The following CDYL2 variants were observed in gnomAD, a reference collection of about 807,000 sequenced individuals.
The protein encoded by CDYL2 is chromodomain Y like 2.
In CDYL2, 23 loss-of-function variants were observed where a neutral mutation model predicts 49.4. The ratio of observed to expected loss-of-function variants is 0.47; its 90% confidence interval spans 0.34 to 0.66. The LOEUF (loss-of-function observed/expected upper bound fraction) is 0.66. Among genes scored for constraint, CDYL2 ranks in the 30% least tolerant of loss-of-function variants. The pLI, the probability that CDYL2 is intolerant of heterozygous loss-of-function variation, is 0.01. For synonymous variants in CDYL2, 360 were observed against 268.8 expected (o/e 1.34, Z -3.32); for missense variants, 678 against 656.4 (o/e 1.03, Z -0.36).
chr16:80,665,008 C>T (rs1191514601), intron 2 of CDYL2, among the ~76,000 whole-genome samples: 1 of 152,156 alleles, frequency 6.6e-6, no homozygotes. Context: ...TCTGTCTTGC[C>T]TTACTCATCA....
intron 1 of CDYL2, among the ~76,000 whole-genome samples, chr16:80,723,091 G>A (rs1398483154): frequency 6.6e-6 from 1 of 152,206 alleles, no homozygotes; most frequent in African/African-American, 2.4e-5. Context: ...TGTGGACTAT[G>A]TACCCACCAC....
At chr16:80,606,428 C>A (rs57943154) in intron 6 of CDYL2, among the ~76,000 whole-genome samples, 14,663 of 152,186 alleles carry the variant, frequency 0.096, 1,337 homozygotes, top group African/African-American at 0.21. Flanking sequence ...AACAGGCCAA[C>A]CCCCTCCATG....
chr16:80,691,696 A>T (rs1423398749), intron 1 of CDYL2, among the ~76,000 whole-genome samples: 1 of 152,250 alleles, frequency 6.6e-6, no homozygotes, highest in African/African-American at 2.4e-5. Flanking sequence ...ACACCAGTGA[A>T]GAGTACTACT....
chr16:80,639,378 T>C lies in CDYL2; in HGVS notation c.617-6142A>G, dbSNP rs749473981. Among the ~76,000 whole-genome samples the C allele has an allele frequency of 8.5e-5, 13 of 152,348 alleles. No individual in the cohort carries two copies. In the South Asian group the frequency reaches 1.0e-3, roughly 12 times the overall value. On this transcript the variant is annotated intron_variant, in intron 2 of 6. Coordinates refer to ENST00000570137, the MANE Select transcript of CDYL2 (RefSeq NM_152342.4). ...TTCACCATAATGATGTGAAATCTTA[T>C]AGTCACAAAACAAAACCAAAACACA... is the stretch of plus-strand genomic sequence containing the variant.
chr16:80,669,691 C>T (rs1909418541), intron 2 of CDYL2, among the ~76,000 whole-genome samples: 1 of 152,174 alleles, frequency 6.6e-6, no homozygotes, highest in Admixed American at 6.5e-5. Context: ...TTTGTGGCCT[C>T]AGGCAGGTGC....
intron 2 of CDYL2, among the ~76,000 whole-genome samples, chr16:80,647,214 C>A (rs966203519): frequency 1.3e-5 from 2 of 151,980 alleles, no homozygotes; most frequent in Non-Finnish European, 2.9e-5. Flanking sequence ...GAAGAGGATG[C>A]CAAAAACTGG....
intron 1 of CDYL2, among the ~76,000 whole-genome samples, chr16:80,730,078 A>G (rs954882441): frequency 2.6e-5 from 4 of 152,192 alleles, no homozygotes; most frequent in Admixed American, 1.3e-4. Flanking sequence ...AAAAGCTAGC[A>G]GAAGGCAAGA....
Position 80,719,201 on chromosome 16 carries a change from G to C in CDYL2, c.25-34072C>G, listed in dbSNP as rs1295184773. The stretch of plus-strand genomic sequence containing the variant: ...GTCACTGACCCCCGTGAATGCAAAG[G>C]CAATGTTTCTCAAACTGGAGTCTGA... On this transcript the variant is annotated intron_variant, in intron 1 of 6. Transcript: ENST00000570137. 2.6e-5 allele frequency among the ~76,000 whole-genome samples: 4 copies of C among 152,112 alleles called. No individual in the cohort carries two copies. In the East Asian group the frequency reaches 7.7e-4, roughly 29 times the overall value.
At chr16:80,666,226 T>A (rs1461748954) in intron 2 of CDYL2, among the ~76,000 whole-genome samples, 1 of 152,216 alleles carries the variant, frequency 6.6e-6, no homozygotes. Flanking sequence ...TCTACCTGCC[T>A]GCTCTTATCA....
At chr16:80,775,421 T>G (rs914533663) in intron 1 of CDYL2, among the ~76,000 whole-genome samples, 1 of 151,714 alleles carries the variant, frequency 6.6e-6, no homozygotes, top group African/African-American at 2.4e-5. Context: ...AGAGAAGAAA[T>G]AAAGTGTCTA....
intron 1 of CDYL2, among the ~76,000 whole-genome samples, chr16:80,709,293 A>C (rs1300063534): frequency 2.0e-5 from 3 of 151,982 alleles, no homozygotes; most frequent in African/African-American, 7.3e-5. Flanking sequence ...GAGGCAAGAG[A>C]ATCACTTGAA....
intron 3 of CDYL2, among the ~76,000 whole-genome samples, chr16:80,626,085 T>C (rs1381084038): frequency 2.7e-5 from 4 of 150,452 alleles, no homozygotes; most frequent in Middle Eastern, 3.4e-3. Context: ...AGCTCAGGAG[T>C]TCGAGGCCAG....
chr16:80,795,737 TGA>T (rs1907752134), intron 1 of CDYL2, among the ~76,000 whole-genome samples: 1 of 149,660 alleles, frequency 6.7e-6, no homozygotes. Flanking sequence ...CACTCCAGTG[TGA>T]CAGAACACCC....
At chr16:80,665,561 A>G (rs1909227931) in intron 2 of CDYL2, among the ~76,000 whole-genome samples, 1 of 151,816 alleles carries the variant, frequency 6.6e-6, no homozygotes, top group Non-Finnish European at 1.5e-5. Flanking sequence ...CACCAACCTA[A>G]TAATATGAGG....
In CDYL2 at chr16:80,659,521, G is replaced by C. The variant is rs555739704; in HGVS notation, c.616+25017C>G. On this transcript the variant is annotated intron_variant, in intron 2 of 6. Coordinates refer to ENST00000570137, the MANE Select transcript of CDYL2 (RefSeq NM_152342.4). ...ATAAAATATCCACACTAGATATTAAGGGGTAAGGAGGCATAATGTATAGTC... is the reference window on the plus strand; with the variant it reads ...ATAAAATATCCACACTAGATATTAACGGGTAAGGAGGCATAATGTATAGTC... Among the ~76,000 whole-genome samples, 17 of 151,998 alleles carry C rather than the reference G, an allele frequency of 1.1e-4. No homozygotes were observed. In the East Asian group the frequency reaches 1.3e-3, roughly 12 times the overall value.
chr16:80,722,022 C>G (rs1440113812), intron 1 of CDYL2, among the ~76,000 whole-genome samples: 1 of 152,070 alleles, frequency 6.6e-6, no homozygotes, highest in Non-Finnish European at 1.5e-5. Flanking sequence ...GGTTATGGAC[C>G]CCTCAGGAGC....
At chr16:80,619,415 G>T (rs1307491409) in intron 4 of CDYL2, among the ~76,000 whole-genome samples, 1 of 152,200 alleles carries the variant, frequency 6.6e-6, no homozygotes, top group African/African-American at 2.4e-5. Flanking sequence ...TGTCAGCCAG[G>T]TTTCCCTGGA....
intron 2 of CDYL2, among the ~76,000 whole-genome samples, chr16:80,642,671 A>G (rs1293965037): frequency 6.6e-6 from 1 of 152,068 alleles, no homozygotes; most frequent in Admixed American, 6.6e-5. Context: ...GGGAGGTGAA[A>G]GGCACTTCTT....
chr16:80,658,955 C>A (rs562723480), intron 2 of CDYL2, among the ~76,000 whole-genome samples: 1 of 152,216 alleles, frequency 6.6e-6, no homozygotes, highest in African/African-American at 2.4e-5. Context: ...CTGGCCAAAT[C>A]TTGGATGTTT....
Sources: allele counts gnomAD v4.1 joint callset (sites outside exome capture counted in the v4.1 genomes callset), GRCh38; gene constraint gnomAD v4.1.1; transcripts MANE v1.5; gene names NCBI Gene and HGNC (gene_info 2026-07-23, HGNC 2026-07-21).